PTPRG: variants seen among roughly 807,000 people sequenced by gnomAD.
PTPRG encodes the protein receptor-type tyrosine-protein phosphatase gamma.
In PTPRG, 102 loss-of-function variants were observed where a neutral mutation model predicts 165.3. The ratio of observed to expected loss-of-function variants is 0.62; its 90% CI spans 0.53 to 0.73. PTPRG has a LOEUF of 0.73. Among genes scored for constraint, PTPRG ranks in the 30% least tolerant of loss-of-function variants. The pLI is 0.00. For missense variants in PTPRG, 1,866 were observed against 1,861.4 expected (o/e 1.00, Z -0.05); for synonymous variants, 675 against 669.5 (o/e 1.01, Z -0.13).
intron 4 of PTPRG, among the ~76,000 whole-genome samples, chr3:62,034,186 A>G (rs1699867369): frequency 6.6e-6 from 1 of 152,208 alleles, no homozygotes; most frequent in East Asian, 1.9e-4. Context: ...GTGGAACCCA[A>G]GTATACAAAG....
chr3:62,090,504 T>G (rs1262048781), intron 5 of PTPRG, among the ~76,000 whole-genome samples: 1 of 152,192 alleles, frequency 6.6e-6, no homozygotes, highest in African/African-American at 2.4e-5. Flanking sequence ...CCCTTTTTAA[T>G]GGCTGTCAGA....
chr3:62,005,000 G>A (rs1051220032), intron 4 of PTPRG, among the ~76,000 whole-genome samples: 1 of 152,146 alleles, frequency 6.6e-6, no homozygotes, highest in Non-Finnish European at 1.5e-5. Context: ...TGGAAGCTCT[G>A]TTGAAGAATC....
chr3:62,225,657 CTT>C (rs770451766), intron 13 of PTPRG, among the ~76,000 whole-genome samples: 26 of 137,536 alleles, frequency 1.9e-4, no homozygotes, highest in Non-Finnish European at 1.4e-4. Context: ...AGCAAAAAAC[CTT>C]TTTTTTTTTT....
At chr3:62,140,877 G>C (rs1303766605) in intron 6 of PTPRG, among the ~76,000 whole-genome samples, 1 of 146,616 alleles carries the variant, frequency 6.8e-6, no homozygotes, top group Non-Finnish European at 1.5e-5. Context: ...AAAAAAAAGA[G>C]TGGGGTGGAG....
chr3:62,190,070 G>T lies in PTPRG; in HGVS notation c.1034-1399G>T, dbSNP rs1265958197. Among the ~76,000 whole-genome samples, 2 of 152,140 alleles carry T rather than the reference G, an allele frequency of 1.3e-5. No individual in the cohort carries two copies. The highest frequency in any genetic ancestry group is 4.8e-5 in the African/African-American group (2 of 41,422). On this transcript the variant is annotated intron_variant, in intron 8 of 29. Coordinates refer to ENST00000474889, the MANE Select transcript of PTPRG (RefSeq NM_002841.4). This position sits in a 1 kb window ranked among gnomAD's most constrained non-coding sequence, Gnocchi z 5.2. ...CCTCTCCCTCCTCTCCCTCCATCCT[G>T]TCCTGGCGTGCAGTGATGGCTCTGC...
At chr3:62,153,524 G>T (rs1205998102) in intron 6 of PTPRG, among the ~76,000 whole-genome samples, 1 of 151,902 alleles carries the variant, frequency 6.6e-6, no homozygotes, top group Non-Finnish European at 1.5e-5. Context: ...TATCTAACAT[G>T]GTATGCCTTT....
At chr3:61,569,631 T>C (rs1046997104) in intron 1 of PTPRG, among the ~76,000 whole-genome samples, 6 of 152,168 alleles carry the variant, frequency 3.9e-5, no homozygotes, top group Admixed American at 2.6e-4. Flanking sequence ...CGTTTTTAAG[T>C]GTTCTTAAGA....
chr3:61,902,481 C>G (rs946745407), intron 2 of PTPRG, among the ~76,000 whole-genome samples: 1 of 152,122 alleles, frequency 6.6e-6, no homozygotes, highest in African/African-American at 2.4e-5. Context: ...AATGTAAGAC[C>G]TGCTATCTTT....
chr3:61,614,639 T>G (rs1701257833), intron 1 of PTPRG, among the ~76,000 whole-genome samples: 1 of 152,124 alleles, frequency 6.6e-6, no homozygotes, highest in African/African-American at 2.4e-5. Context: ...CTTGAACTCC[T>G]GGATTCAAGC....
At chr3:61,937,027 G>A (rs181579554) in intron 2 of PTPRG, among the ~76,000 whole-genome samples, 24 of 152,186 alleles carry the variant, frequency 1.6e-4, no homozygotes, top group Middle Eastern at 3.4e-3. Context: ...TTTTTTTTGA[G>A]ACATCCCTCG....
chr3:61,864,866 A>G (rs756676753), intron 2 of PTPRG, among the ~76,000 whole-genome samples: 1 of 152,106 alleles, frequency 6.6e-6, no homozygotes, highest in African/African-American at 2.4e-5. Context: ...TTGCTCCACA[A>G]TGTTCCTCTC....
intron 4 of PTPRG, among the ~76,000 whole-genome samples, chr3:62,075,597 G>A (rs1178992444): frequency 6.6e-6 from 1 of 152,178 alleles, no homozygotes; most frequent in East Asian, 1.9e-4. Flanking sequence ...CATGTACTTA[G>A]GTATCAGAAT....
intron 1 of PTPRG, among the ~76,000 whole-genome samples, chr3:61,593,891 A>G (rs1224977900): frequency 6.6e-6 from 1 of 152,186 alleles, no homozygotes; most frequent in Non-Finnish European, 1.5e-5. Flanking sequence ...AGATACACAG[A>G]TCTGTGTATT....
chr3:62,035,441 G>A (rs1043232792), intron 4 of PTPRG, among the ~76,000 whole-genome samples: 1 of 151,962 alleles, frequency 6.6e-6, no homozygotes. Context: ...ATGCATTAAA[G>A]TGTCAGTAGA....
chr3:62,275,775 T>C, intron 23 of PTPRG, 98 bp from the exon 24 acceptor site: 1 of 844,074 alleles, frequency 1.2e-6, no homozygotes, highest in Non-Finnish European at 1.8e-6. Flanking sequence ...GAAATGGTCT[T>C]GTTTATCAGT....
At chr3:61,961,519 C>T (rs779587614) in intron 2 of PTPRG, among the ~76,000 whole-genome samples, 11 of 151,994 alleles carry the variant, frequency 7.2e-5, no homozygotes, top group Non-Finnish European at 4.4e-5. Context: ...CTGTTTGGTC[C>T]CCTAAATAAG....
rs372453824 is a variant in PTPRG at position 62,203,626 on chromosome 3, G to A, written c.1831G>A (p.Val611Met). ...CTCCGAAAAGAAGGAGAAGAGTGGG[G>A]TGACCCACGCTGCCGAGGAGCGGAA... Reference protein sequence around the residue: ...KDSEKKEKSGVTHAAEERNQT... With the variant: ...KDSEKKEKSGMTHAAEERNQT... Residue 611 changes from valine to methionine, a missense_variant, in exon 12 of 30, where the codon GTG becomes ATG. Physicochemically the swap from Val to Met is conservative, Grantham distance 21 (BLOSUM62 1). Transcript: ENST00000474889. The surrounding 1 kb of genome is among the most constrained non-coding windows in gnomAD (Gnocchi z 6.4). 4.2e-5 allele frequency: 66 copies of A among 1,554,850 alleles called. 1 individual carries two copies. The South Asian group carries it at 6.8e-4, about 16-fold the overall frequency.
At chr3:61,824,089 A>G (rs930737420) in intron 2 of PTPRG, among the ~76,000 whole-genome samples, 37 of 152,074 alleles carry the variant, frequency 2.4e-4, no homozygotes, top group African/African-American at 8.9e-4. Context: ...GCTCCACTGC[A>G]CTCCATTCAG....
Position 61,942,740 on chromosome 3 carries a change from A to G in PTPRG, c.191-46885A>G, listed in dbSNP as rs74454290. Among the ~76,000 whole-genome samples, 159 of 152,378 alleles carry G rather than the reference A, an allele frequency of 1.0e-3. 3 individuals carry two copies. The highest frequency in any genetic ancestry group is 9.4e-3 in the East Asian group (49 of 5,186). ...CTGTTACATTTATGTTTACTGTAAC[A>G]TAGAAACTTTGCCCCAAATCTCAAA... On this transcript the variant is annotated intron_variant, in intron 2 of 29. Coordinates refer to ENST00000474889, the MANE Select transcript of PTPRG (RefSeq NM_002841.4).
Sources: allele counts gnomAD v4.1 joint callset (sites outside exome capture counted in the v4.1 genomes callset), GRCh38; gene constraint gnomAD v4.1.1; non-coding constraint Gnocchi (gnomAD v3.1); transcripts MANE v1.5; gene names NCBI Gene and HGNC (gene_info 2026-07-23, HGNC 2026-07-21).